GLYATL1: variants seen among roughly 807,000 people sequenced by gnomAD.
GLYATL1 encodes the protein glycine N-acyltransferase-like protein 1.
GLYATL1 carries 15 observed loss-of-function variants against 20.0 expected under a neutral mutation model. The observed-to-expected ratio is 0.75, with a 90% CI of 0.50 to 1.15. The LOEUF (loss-of-function observed/expected upper bound fraction) is 1.15, where lower values mean the gene tolerates loss of function less well. GLYATL1 is among the 50% of genes most tolerant of loss of function. The probability of loss-of-function intolerance (pLI) is 0.00; values close to 1 mark genes in which losing one functional copy is unlikely to be tolerated. For missense variants in GLYATL1, 380 were observed against 368.5 expected (o/e 1.03, Z -0.26); for synonymous variants, 151 against 131.5 (o/e 1.15, Z -1.01).
intron 1 of GLYATL1, chr11:58,943,297 G>A (rs1676735626): frequency 6.5e-7 from 1 of 1,550,050 alleles, no homozygotes; most frequent in East Asian, 2.4e-5. Context: ...ATAGACTGCT[G>A]AATGTTCAAA....
chr11:58,934,542 AGTGG>A (rs1277220543), upstream of GLYATL1: 1 of 152,270 alleles, frequency 6.6e-6, no homozygotes, highest in Non-Finnish European at 1.5e-5. Flanking sequence ...CATATTCAGA[AGTGG>A]GCATGGACAC....
At chr11:58,925,782 T>A (rs908336737), upstream of GLYATL1, among the ~76,000 whole-genome samples, 1 of 152,214 alleles carries the variant, frequency 6.6e-6, no homozygotes, top group South Asian at 2.1e-4. Flanking sequence ...TAAACAAGGT[T>A]TGTGCCAGTA....
At chr11:58,924,765 T>A (rs1259757702), upstream of GLYATL1, among the ~76,000 whole-genome samples, 2 of 152,198 alleles carry the variant, frequency 1.3e-5, no homozygotes, top group Non-Finnish European at 2.9e-5. Flanking sequence ...TTACCTGGCA[T>A]CTTAGTTTGG....
chr11:58,955,516 C>T, intron 6 of GLYATL1, 94 bp from the exon 7 acceptor site: 1 of 1,442,030 alleles, frequency 6.9e-7, no homozygotes, highest in Non-Finnish European at 9.5e-7. Context: ...AGTCTTTAAA[C>T]AAGAAGAGTT....
chr11:58,922,219 G>A (rs78375926), intron 1 of GLYATL1, among the ~76,000 whole-genome samples: 1,682 of 152,296 alleles, frequency 0.011, 38 homozygotes, highest in African/African-American at 0.039. Context: ...ACTCTCTGGC[G>A]CTCCTCAGTG....
chr11:58,937,689 G>A (rs1357856442), upstream of GLYATL1, among the ~76,000 whole-genome samples: 2 of 152,180 alleles, frequency 1.3e-5, no homozygotes, highest in East Asian at 3.8e-4. Flanking sequence ...AGTCTCCAAA[G>A]TTTTCCAAAT....
At chr11:58,950,928 A>C (rs1856946447) in intron 4 of GLYATL1, among the ~76,000 whole-genome samples, 1 of 152,098 alleles carries the variant, frequency 6.6e-6, no homozygotes, top group African/African-American at 2.4e-5. Context: ...AAAATTTTGT[A>C]AGTGTTTTGG....
chr11:58,943,546 G>T lies in GLYATL1; in HGVS notation c.-163G>T. On this transcript the variant is annotated 5_prime_UTR_variant, in exon 2 of 7. Coordinates refer to ENST00000532726, the MANE Select transcript of GLYATL1 (RefSeq NM_001389712.2). ...GCTGAAGTTTTTCTTTTATCAGATG[G>T]TGTCACAAGAAGGATCTGAAGTGGA... The T allele has an allele frequency of 6.2e-7, 1 of 1,611,040 alleles. No homozygotes were observed. Among genetic ancestry groups the T allele is most frequent in the South Asian group, 1.1e-5 (1 of 90,420 alleles).
chr11:58,917,031 C>T (rs80207455), intron 1 of GLYATL1: 1 of 152,166 alleles, frequency 6.6e-6, no homozygotes, highest in Admixed American at 6.5e-5. Flanking sequence ...TTTTCATCTG[C>T]AATGCAGTGG....
intron 1 of GLYATL1, among the ~76,000 whole-genome samples, chr11:58,915,364 G>C (rs1011015438): frequency 1.3e-5 from 2 of 152,134 alleles, no homozygotes; most frequent in African/African-American, 4.8e-5. Context: ...CAACAGAGCC[G>C]GGTCCTCCTT....
At chr11:58,920,448 C>G (rs1366592653) in intron 1 of GLYATL1, among the ~76,000 whole-genome samples, 1 of 152,160 alleles carries the variant, frequency 6.6e-6, no homozygotes, top group South Asian at 2.1e-4. Context: ...AAAACTGCAC[C>G]TCTACTACTG....
intron 1 of GLYATL1, among the ~76,000 whole-genome samples, chr11:58,916,145 TC>T (rs763156719): frequency 1.3e-5 from 2 of 152,224 alleles, no homozygotes; most frequent in African/African-American, 2.4e-5. Context: ...CCTCTTCCAG[TC>T]TTTTTTGGAA....
rs763173641 is a variant in GLYATL1 at position 58,955,332 on chromosome 11, A to G, written c.470A>G (p.His157Arg). ...SKLGSWAETG[H>R]PDDEFESETP... The stretch of plus-strand genomic sequence containing the variant: ...CTTGGAAGCTGGGCTGAGACAGGCC[A>G]CCCAGATGATGAATTTGAAAGGTAC... Residue 157 changes from histidine (H) to arginine (R), a missense_variant, in exon 6 of 7, where the codon CAC (histidine) becomes CGC (arginine). Transcript: ENST00000532726. 1.2e-6 allele frequency: 2 copies of G among 1,613,388 alleles called. No homozygotes were observed. The highest frequency in any genetic ancestry group is 1.7e-6 in the Non-Finnish European group (2 of 1,179,750).
At chr11:58,913,990 G>T (rs1011778811) in intron 1 of GLYATL1, among the ~76,000 whole-genome samples, 1 of 152,150 alleles carries the variant, frequency 6.6e-6, no homozygotes, top group Non-Finnish European at 1.5e-5. Flanking sequence ...CATGAGGCAA[G>T]AGTGGTCAGA....
intron 4 of GLYATL1, among the ~76,000 whole-genome samples, chr11:58,953,402 TTTTTGC>T (rs1857146055): frequency 6.6e-6 from 1 of 151,202 alleles, no homozygotes. Context: ...TTTTTTTTTT[TTTTTGC>T]TTTTTTCTCT....
At chr11:58,919,329 C>CA (rs1855253879) in intron 1 of GLYATL1, among the ~76,000 whole-genome samples, 1 of 152,182 alleles carries the variant, frequency 6.6e-6, no homozygotes, top group Admixed American at 6.5e-5. Flanking sequence ...GGAGGAGGAC[C>CA]ATGGGCAAGA....
chr11:58,935,200 A>C (rs1855774274), upstream of GLYATL1: 2 of 152,172 alleles, frequency 1.3e-5, no homozygotes, highest in African/African-American at 4.8e-5. Context: ...AACCAAGTCC[A>C]CCAGGCAAGC....
chr11:58,947,524 G>C (rs1044227620), intron 3 of GLYATL1: 5 of 444,888 alleles, frequency 1.1e-5, no homozygotes, highest in Middle Eastern at 1.2e-3. Flanking sequence ...TTCCATCAAT[G>C]AGATGGGAAT....
chr11:58,945,523 C>T (rs1317791655), intron 2 of GLYATL1, among the ~76,000 whole-genome samples: 3 of 152,000 alleles, frequency 2.0e-5, no homozygotes, highest in Non-Finnish European at 4.4e-5. Context: ...TGTATCAGCC[C>T]AGGATATAAT....
Sources: allele counts gnomAD v4.1 joint callset (sites outside exome capture counted in the v4.1 genomes callset), GRCh38; gene constraint gnomAD v4.1.1; transcripts MANE v1.5; gene names NCBI Gene and HGNC (gene_info 2026-07-23, HGNC 2026-07-21).